Variants in LRRC56 observed in about 807,000 individuals in gnomAD.
The protein encoded by LRRC56 is leucine-rich repeat-containing protein 56.
LRRC56 carries 41 observed loss-of-function variants against 47.8 expected under a neutral mutation model. The observed-to-expected ratio is 0.86, with a 90% CI of 0.67 to 1.11. The LOEUF (loss-of-function observed/expected upper bound fraction) is 1.11, where lower values mean the gene tolerates loss of function less well. Among genes scored for constraint, LRRC56 ranks in the 50% most tolerant of loss-of-function variants. The probability of loss-of-function intolerance (pLI) is 0.00; values close to 1 mark genes in which losing one functional copy is unlikely to be tolerated. For missense variants in LRRC56, 759 were observed against 704.2 expected (o/e 1.08, Z -0.88); for synonymous variants, 387 against 311.2 (o/e 1.24, Z -2.56).
chr11:517,013 C>G, the LRRC56 span, among the ~76,000 whole-genome samples: 1 of 152,138 alleles, frequency 6.6e-6, no homozygotes, highest in Non-Finnish European at 1.5e-5. Flanking sequence ...CCACGCCTGA[C>G]TGGTTTTTGT....
At chr11:537,828 C>T (rs552987920) in intron 1 of LRRC56, among the ~76,000 whole-genome samples, 4 of 152,286 alleles carry the variant, frequency 2.6e-5, no homozygotes, top group African/African-American at 9.6e-5. Flanking sequence ...CAGGAGGGGC[C>T]CCAAGCCCTG....
chr11:549,771 G>C, intron 6 of LRRC56, 131 bp from the exon 7 acceptor site: 1 of 695,690 alleles, frequency 1.4e-6, no homozygotes, highest in South Asian at 1.8e-5. Context: ...CCAAGGCAGA[G>C]AGCCCCTTCC....
intron 9 of LRRC56, 87 bp downstream of exon 9, chr11:551,389 T>G: frequency 1.1e-6 from 1 of 935,876 alleles, no homozygotes; most frequent in Non-Finnish European, 1.6e-6. Flanking sequence ...CAGAAACGGA[T>G]AGCCACATCT....
At chr11:509,830 C>G in the LRRC56 span, among the ~76,000 whole-genome samples, 1 of 151,476 alleles carries the variant, frequency 6.6e-6, no homozygotes, top group African/African-American at 2.4e-5. Context: ...CCCAAAGTGC[C>G]TGGCCTTCAT....
At chr11:521,634 G>A in the LRRC56 span, among the ~76,000 whole-genome samples, 1 of 152,182 alleles carries the variant, frequency 6.6e-6, no homozygotes, top group Non-Finnish European at 1.5e-5. Flanking sequence ...AACAATTACA[G>A]CCCGGTGAGG....
At chr11:510,925 T>A in the LRRC56 span, among the ~76,000 whole-genome samples, 1 of 150,410 alleles carries the variant, frequency 6.6e-6, no homozygotes, top group Admixed American at 6.6e-5. Flanking sequence ...ATAAATAATA[T>A]GTTTGTCTGA....
chr11:540,894 A>C, intron 4 of LRRC56, 33 bp downstream of exon 4: 1 of 1,494,722 alleles, frequency 6.7e-7, no homozygotes, highest in Non-Finnish European at 9.0e-7. Context: ...GTGGCCACAG[A>C]GGCCTCCGTG....
the LRRC56 span, among the ~76,000 whole-genome samples, chr11:513,603 C>T: frequency 1.3e-5 from 2 of 152,120 alleles, no homozygotes. Context: ...GAGAGAAGGT[C>T]TGCTGTGGAC....
the LRRC56 span, among the ~76,000 whole-genome samples, chr11:514,578 G>A: frequency 1.5e-5 from 2 of 130,664 alleles, no homozygotes; most frequent in Non-Finnish European, 3.2e-5. Context: ...ACTGTGCCCA[G>A]CCTATTATTA....
the LRRC56 span, among the ~76,000 whole-genome samples, chr11:513,661 A>G: frequency 6.6e-6 from 1 of 152,080 alleles, no homozygotes; most frequent in Non-Finnish European, 1.5e-5. Flanking sequence ...TCTTTTGTGA[A>G]AGGAAGAAGC....
At chr11:543,983 A>G (rs755046518) in intron 5 of LRRC56, among the ~76,000 whole-genome samples, 1 of 151,790 alleles carries the variant, frequency 6.6e-6, no homozygotes, top group Non-Finnish European at 1.5e-5. Flanking sequence ...CTACTGACCT[A>G]GTGATCCACC....
At chr11:513,585 C>G in the LRRC56 span, among the ~76,000 whole-genome samples, 376 of 152,190 alleles carry the variant, frequency 2.5e-3, 7 homozygotes, top group Non-Finnish European at 4.6e-4. Context: ...AGAGGATTTT[C>G]CAGTTGTGAG....
intron 9 of LRRC56, 147 bp downstream of exon 9, chr11:551,449 G>A: frequency 1.3e-6 from 1 of 796,534 alleles, no homozygotes; most frequent in Non-Finnish European, 2.0e-6. Flanking sequence ...TGCACACCCG[G>A]CCCCAGGCCA....
the LRRC56 span, among the ~76,000 whole-genome samples, chr11:525,137 G>C: frequency 0.22 from 32,735 of 146,996 alleles, 4,010 homozygotes; most frequent in African/African-American, 0.34. Flanking sequence ...GGCGCGGTGG[G>C]TCACACCTGT....
the LRRC56 span, among the ~76,000 whole-genome samples, chr11:516,911 G>A: frequency 6.6e-6 from 1 of 152,192 alleles, no homozygotes; most frequent in East Asian, 1.9e-4. Flanking sequence ...CTGTACTGCT[G>A]TGGTCTCGGC....
chr11:539,076 C>CTTTG (rs577327198), intron 2 of LRRC56, among the ~76,000 whole-genome samples: 59 of 151,922 alleles, frequency 3.9e-4, no homozygotes, highest in African/African-American at 1.2e-3. Context: ...ATGTCTGCAT[C>CTTTG]TTTGTTTGTT....
At chr11:516,590 G>C in the LRRC56 span, among the ~76,000 whole-genome samples, 1 of 152,054 alleles carries the variant, frequency 6.6e-6, no homozygotes, top group Non-Finnish European at 1.5e-5. Context: ...AGGAATGCAA[G>C]GCTGGTTCAA....
At chr11:513,122 C>T in the LRRC56 span, among the ~76,000 whole-genome samples, 2 of 152,332 alleles carry the variant, frequency 1.3e-5, no homozygotes, top group East Asian at 1.9e-4. Flanking sequence ...GAGCTGTAAC[C>T]CTGCCGCTTC....
upstream of LRRC56, chr11:532,570 C>T (rs1851166964): frequency 3.2e-6 from 5 of 1,575,962 alleles, no homozygotes; most frequent in Admixed American, 9.0e-5. Context: ...AGGAGACCGG[C>T]AGGGGCGGGG....
Sources: allele counts gnomAD v4.1 joint callset (sites outside exome capture counted in the v4.1 genomes callset), GRCh38; gene constraint gnomAD v4.1.1; transcripts MANE v1.5; gene names NCBI Gene and HGNC (gene_info 2026-07-23, HGNC 2026-07-21).